Variants in DLC1 observed in about 807,000 individuals in gnomAD.
DLC1 encodes rho GTPase-activating protein 7.
DLC1 carries 54 observed loss-of-function variants against 140.3 expected under a neutral mutation model. The ratio of observed to expected loss-of-function variants is 0.38; its 90% CI spans 0.31 to 0.48. The LOEUF (loss-of-function observed/expected upper bound fraction) is 0.48, where lower values mean the gene tolerates loss of function less well. Ranked by LOEUF, DLC1 falls within the 20% of genes least tolerant of loss-of-function variation. DLC1 has a pLI of 0.96. For missense variants in DLC1, 2,536 were observed against 1,907.0 expected, an observed-to-expected ratio of 1.33 and a Z score of -6.14; for synonymous variants, 986 against 728.1, an observed-to-expected ratio of 1.35 and a Z score of -5.70.
chr8:13,228,169 G>T (rs892835992), intron 5 of DLC1, among the ~76,000 whole-genome samples: 2 of 151,910 alleles, frequency 1.3e-5, no homozygotes, highest in African/African-American at 2.4e-5. Context: ...CTAAGCTCTT[G>T]TTCTAATATT....
At chr8:13,421,007 G>A (rs952791103) in intron 2 of DLC1, among the ~76,000 whole-genome samples, 1 of 151,964 alleles carries the variant, frequency 6.6e-6, no homozygotes, top group Non-Finnish European at 1.5e-5. Context: ...AACTTGTGTG[G>A]GTCTCTCCGG....
intron 5 of DLC1, among the ~76,000 whole-genome samples, chr8:13,118,125 T>C (rs1184894666): frequency 6.7e-6 from 1 of 149,284 alleles, no homozygotes; most frequent in Non-Finnish European, 1.5e-5. Context: ...TCCTCCCACC[T>C]CCGCCTCCCA....
intron 5 of DLC1, among the ~76,000 whole-genome samples, chr8:13,180,914 T>G (rs1317200837): frequency 1.3e-5 from 2 of 152,214 alleles, no homozygotes; most frequent in African/African-American, 4.8e-5. Context: ...TTTTATTTTC[T>G]TATTCAGAAT....
At position 13,094,886 on chromosome 8, in the gene DLC1, T is replaced by C; in HGVS notation, c.3399A>G (p.Ile1133Met). 1 of 1,614,246 alleles carries C rather than the reference T, an allele frequency of 6.2e-7. No individual in the cohort carries two copies. Among genetic ancestry groups the C allele is most frequent in the East Asian group, 2.2e-5 (1 of 44,886 alleles). Residue 1133 changes from isoleucine to methionine, a missense_variant, in exon 12 of 18, where the codon ATA (isoleucine) becomes ATG (methionine). Coordinates refer to ENST00000276297, the MANE Select transcript of DLC1 (RefSeq NM_182643.3). Reference sequence around the variant, plus strand: ...ACTGTCCTTCGTAGTTGACACAGTCTATGGCACCTTCATTCATCTGGCGCA... The same window carrying C: ...ACTGTCCTTCGTAGTTGACACAGTCCATGGCACCTTCATTCATCTGGCGCA... ...QALRQMNEGA[I>M]DCVNYEGQSA...
intron 5 of DLC1, among the ~76,000 whole-genome samples, chr8:13,200,168 G>A (rs1038433636): frequency 6.6e-6 from 1 of 152,000 alleles, no homozygotes; most frequent in Admixed American, 6.6e-5. Context: ...TCTGCCTCCT[G>A]AGTAGCTGGA....
intron 3 of DLC1, among the ~76,000 whole-genome samples, chr8:13,400,546 G>A (rs1217743369): frequency 6.6e-6 from 1 of 152,104 alleles, no homozygotes; most frequent in South Asian, 2.1e-4. Flanking sequence ...GTGGGCTGAT[G>A]TGTGCAATAT....
At chr8:13,215,970 A>G (rs946622886) in intron 5 of DLC1, among the ~76,000 whole-genome samples, 1 of 152,124 alleles carries the variant, frequency 6.6e-6, no homozygotes, top group African/African-American at 2.4e-5. Context: ...TTACCCACTC[A>G]TGGTGTTTCC....
At chr8:13,105,313 A>T (rs1819470474) in intron 7 of DLC1, among the ~76,000 whole-genome samples, 1 of 152,066 alleles carries the variant, frequency 6.6e-6, no homozygotes, top group Non-Finnish European at 1.5e-5. Flanking sequence ...CAAAGAATGT[A>T]CTCTGCTGGG....
At position 13,095,521 on chromosome 8, in the gene DLC1, T is replaced by C. The variant is rs116264691; in HGVS notation, c.3168-276A>G. 1.3e-3 allele frequency: 489 copies of C among 378,126 alleles called. 3 individuals are homozygous for C. The highest frequency in any genetic ancestry group is 9.1e-3 in the African/African-American group (456 of 50,036). The allele number at this position is 378,126 out of a possible 1,614,324, so 23.4% of individuals were successfully genotyped here. ...CAGACAGTTCTCCTGGACAGTGCTGTTCTAGATCTTCTAAGAGTGGGGGTT... is the reference window on the plus strand; with the variant it reads ...CAGACAGTTCTCCTGGACAGTGCTGCTCTAGATCTTCTAAGAGTGGGGGTT... On this transcript the variant is annotated intron_variant, in intron 10 of 17. Coordinates refer to ENST00000276297, the MANE Select transcript of DLC1 (RefSeq NM_182643.3).
intron 5 of DLC1, among the ~76,000 whole-genome samples, chr8:13,135,331 C>T (rs1822482655): frequency 6.6e-6 from 1 of 151,724 alleles, no homozygotes; most frequent in East Asian, 1.9e-4. Context: ...CAGGTGCCCG[C>T]CACCACACCC....
chr8:13,331,658 C>T (rs1019288638), intron 4 of DLC1, among the ~76,000 whole-genome samples: 2 of 151,800 alleles, frequency 1.3e-5, no homozygotes, highest in Non-Finnish European at 2.9e-5. Flanking sequence ...AAACCCCCAA[C>T]TAACCCAAAA....
rs1239965470 is a variant in DLC1, at chr8:13,346,770, C to T, written c.1315-41468G>A. ...CAAGCCCCTGTTATTGGCTCTCTTG[C>T]TTCCCTTTTCCCACTGTAGCAGATA... On this transcript the variant is annotated intron_variant, in intron 4 of 17. Transcript: ENST00000276297. 3.9e-5 allele frequency among the ~76,000 whole-genome samples: 6 copies of T among 152,266 alleles called. No individual in the cohort carries two copies. In the East Asian group the frequency reaches 1.2e-3, roughly 29 times the overall value.
At chr8:13,161,180 C>A (rs1022671424) in intron 5 of DLC1, among the ~76,000 whole-genome samples, 1 of 152,286 alleles carries the variant, frequency 6.6e-6, no homozygotes, top group African/African-American at 2.4e-5. Context: ...CCAAAATATA[C>A]CACCTATGTC....
intron 5 of DLC1, among the ~76,000 whole-genome samples, chr8:13,252,840 G>C (rs1448166057): frequency 6.6e-6 from 1 of 152,182 alleles, no homozygotes; most frequent in Non-Finnish European, 1.5e-5. Flanking sequence ...AAGGGAGGAA[G>C]AAGAGTGTCT....
At chr8:13,404,074 A>C in intron 2 of DLC1, among the ~76,000 whole-genome samples, 1 of 152,212 alleles carries the variant, frequency 6.6e-6, no homozygotes, top group African/African-American at 2.4e-5. Flanking sequence ...CTGAAGTCTA[A>C]ATTGAACACA....
intron 5 of DLC1, among the ~76,000 whole-genome samples, chr8:13,132,188 C>A (rs562645146): frequency 6.0e-4 from 89 of 148,244 alleles, no homozygotes; most frequent in Non-Finnish European, 1.1e-3. Flanking sequence ...GACCCATCTC[C>A]GGGAAAAAAA....
At chr8:13,578,656 G>C (rs1804933421) in intron 1 of DLC1, among the ~76,000 whole-genome samples, 1 of 152,158 alleles carries the variant, frequency 6.6e-6, no homozygotes, top group South Asian at 2.1e-4. Flanking sequence ...AGCTCACAGA[G>C]CTTAGAGAAA....
intron 1 of DLC1, among the ~76,000 whole-genome samples, chr8:13,577,304 A>C (rs1804878813): frequency 6.6e-6 from 1 of 152,218 alleles, no homozygotes; most frequent in Non-Finnish European, 1.5e-5. Context: ...AGCCTATTTT[A>C]CATGACAAGG....
intron 1 of DLC1, among the ~76,000 whole-genome samples, chr8:13,602,654 A>G (rs1454220658): frequency 2.0e-5 from 3 of 151,998 alleles, no homozygotes; most frequent in East Asian, 1.9e-4. Flanking sequence ...TGCTCTGTAC[A>G]TTTTTTGTAT....
Sources: gnomAD v4.1 joint callset for allele counts (sites outside exome capture counted in the v4.1 genomes callset) on GRCh38, gnomAD v4.1.1 for gene constraint, MANE v1.5 for transcripts, NCBI Gene and HGNC (gene_info 2026-07-23, HGNC 2026-07-21) for gene names.